GRID2: variants seen among roughly 807,000 people sequenced by gnomAD.
The protein encoded by GRID2 is glutamate receptor ionotropic, delta-2.
Under a neutral mutation model 114.8 loss-of-function variants are expected in GRID2, and 33 were observed. The observed-to-expected ratio is 0.29, with a 90% CI of 0.22 to 0.38. The LOEUF (loss-of-function observed/expected upper bound fraction) is 0.38. GRID2 is among the 10% of genes least tolerant of loss of function. The pLI, the probability that GRID2 is intolerant of heterozygous loss-of-function variation, is 1.00. For synonymous variants in GRID2, 505 were observed against 449.9 expected, an observed-to-expected ratio of 1.12 and a Z score of -1.55; for missense variants, 1,184 against 1,257.7, an observed-to-expected ratio of 0.94 and a Z score of 0.89.
intron 1 of GRID2, among the ~76,000 whole-genome samples, chr4:92,464,643 G>A (rs1050339733): frequency 2.6e-5 from 4 of 151,954 alleles, no homozygotes; most frequent in Non-Finnish European, 5.9e-5. Context: ...AGCATTTAGA[G>A]AATCAAAGAC....
At chr4:92,877,333 C>A (rs1441201914) in intron 2 of GRID2, among the ~76,000 whole-genome samples, 2 of 152,132 alleles carry the variant, frequency 1.3e-5, no homozygotes, top group Non-Finnish European at 2.9e-5. Context: ...TAGCCAGGAG[C>A]AAAATATTCC....
At chr4:93,099,730 A>T (rs933946015) in intron 3 of GRID2, among the ~76,000 whole-genome samples, 1 of 151,854 alleles carries the variant, frequency 6.6e-6, no homozygotes, top group African/African-American at 2.4e-5. Context: ...TAAACTACTT[A>T]AGCACCACTC....
At chr4:92,522,344 A>T (rs78704752) in intron 1 of GRID2, among the ~76,000 whole-genome samples, 1,647 of 152,078 alleles carry the variant, frequency 0.011, 26 homozygotes, top group African/African-American at 0.038. Flanking sequence ...AGTACAAAAG[A>T]TGAACAGAGA....
intron 4 of GRID2, among the ~76,000 whole-genome samples, chr4:93,144,305 G>A (rs1158004452): frequency 1.3e-5 from 2 of 152,196 alleles, no homozygotes; most frequent in Admixed American, 6.5e-5. Context: ...TTCTTTATGT[G>A]CATAAGCTCA....
chr4:93,732,898 A>G (rs1054339302), intron 14 of GRID2, among the ~76,000 whole-genome samples: 1 of 150,220 alleles, frequency 6.7e-6, no homozygotes, highest in Middle Eastern at 3.4e-3. Context: ...TTTGTTGTGC[A>G]TATGTGGGGT....
At position 92,473,059 on chromosome 4, in the gene GRID2, AT is replaced by A. The variant is rs1452600583; in HGVS notation, c.89-117068del. Among the ~76,000 whole-genome samples the A allele has an allele frequency of 4.6e-5, 7 of 152,076 alleles. No individual in the cohort carries two copies. In the East Asian group the frequency reaches 1.2e-3, roughly 25 times the overall value. ...AGTTTAATGTTTAGCTCTGTGAATG[AT>A]TTTGGGTTATTTTTGCATATCTTAT... On this transcript the variant is annotated intron_variant, in intron 1 of 15. Transcript: ENST00000282020.
intron 4 of GRID2, among the ~76,000 whole-genome samples, chr4:93,160,993 A>C (rs577143261): frequency 2.0e-5 from 3 of 151,980 alleles, no homozygotes; most frequent in South Asian, 4.1e-4. Flanking sequence ...CCTCAGTCTA[A>C]AGAAATGATG....
At chr4:92,879,454 C>T (rs6827937) in intron 2 of GRID2, among the ~76,000 whole-genome samples, 85,099 of 152,094 alleles carry the variant, frequency 0.56, 24,823 homozygotes, top group Middle Eastern at 0.74. Flanking sequence ...AAGCAGTCTT[C>T]TCAATGTATA....
chr4:92,484,746 C>T (rs575511151), intron 1 of GRID2, among the ~76,000 whole-genome samples: 7 of 151,924 alleles, frequency 4.6e-5, no homozygotes, highest in Non-Finnish European at 7.4e-5. Context: ...TTATGAAGAG[C>T]GTCATATGAA....
chr4:92,791,310 A>C (rs1226503028), intron 2 of GRID2, among the ~76,000 whole-genome samples: 1 of 151,736 alleles, frequency 6.6e-6, no homozygotes, highest in Non-Finnish European at 1.5e-5. Context: ...AAGTTGTCAA[A>C]TCCTCAGATT....
chr4:92,709,926 T>C (rs1361119268), intron 2 of GRID2, among the ~76,000 whole-genome samples: 7 of 152,110 alleles, frequency 4.6e-5, no homozygotes, highest in Admixed American at 2.6e-4. Context: ...ATTATTCTAA[T>C]AGAATTTTCA....
At chr4:92,954,583 T>C (rs1424641773) in intron 2 of GRID2, among the ~76,000 whole-genome samples, 1 of 151,562 alleles carries the variant, frequency 6.6e-6, no homozygotes, top group African/African-American at 2.4e-5. Context: ...CCAGCCACCA[T>C]GCCCGGCTAA....
intron 9 of GRID2, among the ~76,000 whole-genome samples, chr4:93,401,013 C>T (rs192620531): frequency 6.6e-6 from 1 of 151,852 alleles, no homozygotes. Flanking sequence ...ATTTATTTTT[C>T]GTAGAGACAG....
chr4:93,761,943 G>A (rs1166528949), intron 14 of GRID2, among the ~76,000 whole-genome samples: 1 of 152,132 alleles, frequency 6.6e-6, no homozygotes, highest in African/African-American at 2.4e-5. Context: ...GCCAATCAAA[G>A]TGCCACTATG....
chr4:93,087,738 A>G (rs1730453754), intron 3 of GRID2, among the ~76,000 whole-genome samples: 1 of 152,174 alleles, frequency 6.6e-6, no homozygotes, highest in Admixed American at 6.5e-5. Flanking sequence ...TTCTATCACT[A>G]ACATTATCTC....
chr4:93,200,566 A>AAAAAAAAAAAAAC (rs1554006814), intron 4 of GRID2, among the ~76,000 whole-genome samples: 2 of 149,762 alleles, frequency 1.3e-5, no homozygotes, highest in African/African-American at 5.0e-5. Context: ...ACTCCGTCTC[A>AAAAAAAAAAAAAC]AAACAAACAA....
chr4:93,757,105 G>T (rs1373112758), intron 14 of GRID2, among the ~76,000 whole-genome samples: 1 of 152,158 alleles, frequency 6.6e-6, no homozygotes, highest in African/African-American at 2.4e-5. Flanking sequence ...ATGCCCTCTT[G>T]TCATTCACTT....
intron 11 of GRID2, among the ~76,000 whole-genome samples, chr4:93,485,663 C>T (rs959989269): frequency 1.2e-4 from 18 of 151,632 alleles, no homozygotes; most frequent in African/African-American, 4.4e-4. Flanking sequence ...ACTTTAGTGC[C>T]AGCTGGGTAT....
intron 2 of GRID2, among the ~76,000 whole-genome samples, chr4:92,771,784 T>C (rs1183182018): frequency 1.3e-5 from 2 of 152,190 alleles, no homozygotes; most frequent in Non-Finnish European, 2.9e-5. Context: ...CAAAATCATA[T>C]CACTGAGTTA....
Sources: allele counts gnomAD v4.1 joint callset (sites outside exome capture counted in the v4.1 genomes callset), GRCh38; gene constraint gnomAD v4.1.1; transcripts MANE v1.5; gene names NCBI Gene and HGNC (gene_info 2026-07-23, HGNC 2026-07-21).